The following ABI3BP variants were observed in gnomAD, a reference collection of about 807,000 sequenced individuals.
The protein encoded by ABI3BP is ABI family member 3 binding protein.
In ABI3BP, 216 loss-of-function variants were observed where a neutral mutation model predicts 268.6. The observed-to-expected ratio is 0.80, with a 90% CI of 0.72 to 0.90. ABI3BP has a LOEUF of 0.90. ABI3BP is among the 40% of genes least tolerant of loss of function. ABI3BP has a pLI of 0.00. For synonymous variants in ABI3BP, 730 were observed against 730.0 expected (o/e 1.00, Z 0.00); for missense variants, 2,090 against 2,182.4 (o/e 0.96, Z 0.84).
At position 100,876,532 on chromosome 3, in the gene ABI3BP, G is replaced by A. The variant is rs770646732; in HGVS notation, c.725C>T (p.Pro242Leu). ...ATTACCTTGCTTGATGATTGTTATT[G>A]GGATTAGTTTCCTTGGGACATATGC... ...VPAYVPRKLI[P>L]ITIIKQVIQN... The change falls in exon 7 of 68, where the codon CCA becomes CTA. Residue 242 changes from proline (P) to leucine (L), a missense_variant. Transcript: ENST00000471714. 12 of 1,613,134 alleles carry A rather than the reference G, an allele frequency of 7.4e-6. No homozygotes were observed. Among genetic ancestry groups the A allele is most frequent in the African/African-American group, 1.3e-5 (1 of 74,828 alleles).
In ABI3BP at chr3:100,864,077, C is replaced by G. The variant is rs1359374613; in HGVS notation, c.1064-1G>C. On this transcript the variant is annotated splice_acceptor_variant, in intron 11 of 67. Coordinates refer to ENST00000471714, the MANE Select transcript of ABI3BP (RefSeq NM_001375547.2). LOFTEE classifies it high-confidence loss of function. Reference sequence around the variant, plus strand: ...GTTTCCGGGGTCCTTTTGCTGAGAACTACAATAAAAAAGAGTGCAGTTAGC... The same window carrying G: ...GTTTCCGGGGTCCTTTTGCTGAGAAGTACAATAAAAAAGAGTGCAGTTAGC... 6.5e-7 allele frequency: 1 copy of G among 1,534,728 alleles called. No individual in the cohort carries two copies. The highest frequency in any genetic ancestry group is 8.7e-7 in the Non-Finnish European group (1 of 1,145,710).
At position 100,787,798 on chromosome 3, in the gene ABI3BP, C is replaced by T. The variant is rs373990618; in HGVS notation, c.4092G>A (p.Leu1364=). ...TSDKPHIRPV[L]NRTTTRPTRP... ...TAGTAGGTCTTGTAGTTGTCCTATTCAGAACTAAAATAAAGTGGGATATAA... is the reference window on the plus strand; with the variant it reads ...TAGTAGGTCTTGTAGTTGTCCTATTTAGAACTAAAATAAAGTGGGATATAA... The change falls in exon 57 of 68, where the codon CTG becomes CTA. Residue 1364 remains leucine, a synonymous_variant. Transcript: ENST00000471714. The T allele has an allele frequency of 6.6e-5, 101 of 1,520,258 alleles. 1 individual carries two copies. In the East Asian group the frequency reaches 1.3e-3, roughly 20 times the overall value. 94.2% of individuals were successfully genotyped at this position (1,520,258 alleles called of 1,614,324 possible).
At chr3:100,783,406 G>A (rs1028666285) in intron 57 of ABI3BP, among the ~76,000 whole-genome samples, 2 of 152,148 alleles carry the variant, frequency 1.3e-5, no homozygotes, top group African/African-American at 4.8e-5. Context: ...AATCATATGT[G>A]CCAAGGTGGT....
intron 2 of ABI3BP, among the ~76,000 whole-genome samples, chr3:100,922,460 C>T (rs2060511413): frequency 6.6e-6 from 1 of 152,000 alleles, no homozygotes; most frequent in East Asian, 1.9e-4. Flanking sequence ...GAGCTTACTA[C>T]AATCACAAGG....
chr3:100,894,765 C>T (rs10936426), intron 4 of ABI3BP, among the ~76,000 whole-genome samples: 94,227 of 150,788 alleles, frequency 0.62, 30,848 homozygotes, highest in Admixed American at 0.74. Context: ...CGGTGAAACC[C>T]CACCTGTACT....
chr3:100,898,731 AGATGCTATT>A, intron 4 of ABI3BP, 22 bp downstream of exon 4: 2 of 1,602,476 alleles, frequency 1.2e-6, no homozygotes, highest in Non-Finnish European at 1.7e-6. Flanking sequence ...AAGCATGTAC[AGATGCTATT>A]AAAAGCAAAT....
chr3:100,965,202 A>C (rs1345262171), intron 1 of ABI3BP, among the ~76,000 whole-genome samples: 1 of 152,146 alleles, frequency 6.6e-6, no homozygotes, highest in Non-Finnish European at 1.5e-5. Context: ...TCATGAATCT[A>C]AGGTAAATCC....
At chr3:100,894,783 C>CA (rs1301527580) in intron 4 of ABI3BP, among the ~76,000 whole-genome samples, 7 of 151,122 alleles carry the variant, frequency 4.6e-5, no homozygotes, top group Non-Finnish European at 1.0e-4. Context: ...ACTAAAAATA[C>CA]AAAAAATTAG....
intron 4 of ABI3BP, among the ~76,000 whole-genome samples, chr3:100,890,199 T>C (rs1460201595): frequency 6.6e-6 from 1 of 152,202 alleles, no homozygotes; most frequent in African/African-American, 2.4e-5. Flanking sequence ...AATGCTTTTA[T>C]TTCTATGTGA....
chr3:100,834,865 A>T lies in ABI3BP; in HGVS notation c.2192-92T>A, dbSNP rs569645297. On this transcript the variant is annotated intron_variant, in intron 28 of 67. Coordinates refer to ENST00000471714, the MANE Select transcript of ABI3BP (RefSeq NM_001375547.2). Reference sequence around the variant, plus strand: ...TTCTAGGTTTTCTAAAGTTTTCCTAAGTCTTGAGAAATTTGTCTCTTTGGT... The same window carrying T: ...TTCTAGGTTTTCTAAAGTTTTCCTATGTCTTGAGAAATTTGTCTCTTTGGT... 4.1e-5 allele frequency: 50 copies of T among 1,211,010 alleles called. No individual in the cohort carries two copies. The African/African-American group carries it at 6.7e-4, about 16-fold the overall frequency. 75.0% of individuals were successfully genotyped at this position (1,211,010 alleles called of 1,614,324 possible).
chr3:100,936,447 T>C (rs1393935044), intron 1 of ABI3BP, among the ~76,000 whole-genome samples: 2 of 152,172 alleles, frequency 1.3e-5, no homozygotes, highest in Non-Finnish European at 2.9e-5. Context: ...CTTTTTTTGT[T>C]GTGTCTCTGC....
intron 7 of ABI3BP, among the ~76,000 whole-genome samples, chr3:100,875,786 A>T (rs1222877297): frequency 6.6e-6 from 1 of 152,206 alleles, no homozygotes; most frequent in African/African-American, 2.4e-5. Context: ...ATGAAAGGCT[A>T]TTATTCTATC....
intron 37 of ABI3BP, 133 bp downstream of exon 37, chr3:100,823,325 G>A (rs2152696764): frequency 1.4e-6 from 1 of 738,472 alleles, no homozygotes. Context: ...AAAAACAACA[G>A]TTAAGAGTCT....
intron 63 of ABI3BP, among the ~76,000 whole-genome samples, chr3:100,765,299 C>G (rs984032289): frequency 2.0e-5 from 3 of 152,164 alleles, no homozygotes; most frequent in South Asian, 4.1e-4. Context: ...GAAAAGTTAT[C>G]AAACAACGTT....
At chr3:100,849,383 C>T (rs72932535) in intron 17 of ABI3BP, among the ~76,000 whole-genome samples, 5,402 of 151,944 alleles carry the variant, frequency 0.036, 342 homozygotes, top group African/African-American at 0.12. Flanking sequence ...ACCATGACGT[C>T]CGGCTAATTT....
At chr3:100,930,382 C>A (rs1441811570) in intron 1 of ABI3BP, among the ~76,000 whole-genome samples, 2 of 152,036 alleles carry the variant, frequency 1.3e-5, no homozygotes, top group East Asian at 3.9e-4. Context: ...TGCATATTTG[C>A]AAAGTAGAAT....
At chr3:100,844,188 TCA>T (rs1367277179) in intron 20 of ABI3BP, 1 of 985,316 alleles carries the variant, frequency 1.0e-6, no homozygotes, top group Non-Finnish European at 1.2e-6. Context: ...CAAATTTGAC[TCA>T]CATGTGTGTA....
chr3:100,876,649 T>C, intron 6 of ABI3BP, 89 bp from the exon 7 acceptor site: 6 of 1,210,214 alleles, frequency 5.0e-6, no homozygotes, highest in Non-Finnish European at 7.3e-6. Context: ...AGTAGCCCTT[T>C]CTTGTCTTCA....
intron 38 of ABI3BP, 139 bp from the exon 39 acceptor site, chr3:100,821,252 A>C (rs1001612989): frequency 1.9e-5 from 13 of 701,970 alleles, no homozygotes; most frequent in Admixed American, 2.8e-5. Flanking sequence ...TTAAAACTAA[A>C]AAAGTAGACA....
Sources: gnomAD v4.1 joint callset for allele counts (sites outside exome capture counted in the v4.1 genomes callset) on GRCh38, gnomAD v4.1.1 for gene constraint, MANE v1.5 for transcripts, NCBI Gene and HGNC (gene_info 2026-07-23, HGNC 2026-07-21) for gene names.